The following ARHGEF11 variants were observed in gnomAD, a reference collection of about 807,000 sequenced individuals.
The protein encoded by ARHGEF11 is Rho guanine exchange factor (GEF) 11.
In ARHGEF11, 55 loss-of-function variants were observed where a neutral mutation model predicts 193.7. That is an observed-to-expected ratio of 0.28 (90% CI 0.23 to 0.36). The LOEUF (loss-of-function observed/expected upper bound fraction) is 0.36. Among genes scored for constraint, ARHGEF11 ranks in the 10% least tolerant of loss-of-function variants. The pLI is 1.00. For missense variants in ARHGEF11, 1,723 were observed against 2,005.6 expected, an observed-to-expected ratio of 0.86 and a Z score of 2.69; for synonymous variants, 693 against 768.0, an observed-to-expected ratio of 0.90 and a Z score of 1.62.
chr1:156,971,617 T>C (rs1662492403), intron 8 of ARHGEF11, 80 bp downstream of exon 8: 1 of 1,531,566 alleles, frequency 6.5e-7, no homozygotes. Context: ...CCAAGAAGCC[T>C]TCTGTCCTTG....
intron 1 of ARHGEF11, among the ~76,000 whole-genome samples, chr1:157,043,803 G>C (rs954691973): frequency 1.3e-5 from 2 of 152,192 alleles, no homozygotes; most frequent in African/African-American, 4.8e-5. Context: ...TTCAGGCCAA[G>C]AACATCCTCT....
At chr1:156,997,148 T>C (rs1006999883) in intron 1 of ARHGEF11, among the ~76,000 whole-genome samples, 1 of 151,898 alleles carries the variant, frequency 6.6e-6, no homozygotes, top group African/African-American at 2.4e-5. Flanking sequence ...GGATTACAAG[T>C]GTGAGACACC....
chr1:156,959,427 C>G (rs1660458718), intron 15 of ARHGEF11, among the ~76,000 whole-genome samples: 1 of 152,208 alleles, frequency 6.6e-6, no homozygotes, highest in Non-Finnish European at 1.5e-5. Context: ...TTGGATATGT[C>G]TAAGTACCAT....
Position 156,939,665 on chromosome 1 carries a change from G to A in ARHGEF11, c.3979C>T (p.His1327Tyr), listed in dbSNP as rs779197564. 25 of 1,613,916 alleles carry A rather than the reference G, an allele frequency of 1.5e-5. No individual in the cohort carries two copies. Among genetic ancestry groups the A allele is most frequent in the Non-Finnish European group, 2.1e-5 (25 of 1,180,034 alleles). Residue 1327 changes from histidine (H) to tyrosine (Y), a missense_variant, in exon 37 of 41, where the codon CAC (histidine) becomes TAC (tyrosine). Physicochemically the swap from His to Tyr is moderately conservative, Grantham distance 83. Around this residue, in one of 5 missense-constraint regions of ARHGEF11, gnomAD observed 360 missense variants for 344.4 expected, o/e 1.05. Coordinates refer to ENST00000368194, the MANE Select transcript of ARHGEF11 (RefSeq NM_198236.3). Reference sequence around the variant, plus strand: ...GAATTTCTGGTCCTTGGGGGTAGGTGTTCCAGAGAACAGAGACCCATGTCT... The same window carrying A: ...GAATTTCTGGTCCTTGGGGGTAGGTATTCCAGAGAACAGAGACCCATGTCT... Reference protein sequence around the residue: ...QEDMGLCSLEHLPPRTRNSGI... With the variant: ...QEDMGLCSLEYLPPRTRNSGI...
chr1:156,967,445 C>A (rs1288801281), intron 11 of ARHGEF11, among the ~76,000 whole-genome samples: 1 of 152,204 alleles, frequency 6.6e-6, no homozygotes, highest in Non-Finnish European at 1.5e-5. Flanking sequence ...TGAAGTCTCT[C>A]CTGGATCTAG....
chr1:156,972,321 A>G (rs935054321), intron 7 of ARHGEF11, among the ~76,000 whole-genome samples: 3 of 152,294 alleles, frequency 2.0e-5, no homozygotes, highest in Non-Finnish European at 4.4e-5. Context: ...AGCACTCCTC[A>G]GGGCTTCACA....
chr1:157,033,423 T>C (rs1476213733), intron 1 of ARHGEF11, among the ~76,000 whole-genome samples: 1 of 152,122 alleles, frequency 6.6e-6, no homozygotes, highest in Non-Finnish European at 1.5e-5. Flanking sequence ...AGAGACCACA[T>C]TCATCTCTTG....
chr1:157,004,577 T>C (rs1667594288), intron 1 of ARHGEF11, among the ~76,000 whole-genome samples: 1 of 152,162 alleles, frequency 6.6e-6, no homozygotes, highest in Admixed American at 6.5e-5. Context: ...AACCACTGCA[T>C]AGCCGAGAGA....
In ARHGEF11 at chr1:156,943,919, C is replaced by A. The variant is rs764275135; in HGVS notation, c.3235+16G>T. 1 of 1,603,354 alleles carries A rather than the reference C, an allele frequency of 6.2e-7. No individual in the cohort carries two copies. The highest frequency in any genetic ancestry group is 1.1e-5 in the South Asian group (1 of 89,874). ...TCCCTGAGCCCCAGGCCAGCCTGGA[C>A]CATCTCCCCAGGTACCTGTGGCCAC... On this transcript the variant is annotated intron_variant, in intron 32 of 40. Transcript: ENST00000368194.
intron 31 of ARHGEF11, 83 bp downstream of exon 31, chr1:156,944,275 T>G (rs1657669573): frequency 6.6e-7 from 1 of 1,504,236 alleles, no homozygotes; most frequent in South Asian, 1.2e-5. Context: ...CCAGTCATGT[T>G]TCCATGCTTG....
Position 156,945,350 on chromosome 1 carries a change from C to A in ARHGEF11, c.2813-153G>T, listed in dbSNP as rs148419480. Reference sequence around the variant, plus strand: ...AGCCACCCTTGCCTCACATGAGGACCCCAAGTGGTAAGGGTAACTTTTACT... The same window carrying A: ...AGCCACCCTTGCCTCACATGAGGACACCAAGTGGTAAGGGTAACTTTTACT... On this transcript the variant is annotated intron_variant, in intron 29 of 40. Coordinates refer to ENST00000368194, the MANE Select transcript of ARHGEF11 (RefSeq NM_198236.3). 84 of 739,388 alleles carry A rather than the reference C, an allele frequency of 1.1e-4. No homozygotes were observed. The African/African-American group carries it at 1.4e-3, about 12-fold the overall frequency. 45.8% of individuals were successfully genotyped at this position (739,388 alleles called of 1,614,324 possible).
intron 4 of ARHGEF11, 40 bp downstream of exon 4, chr1:156,980,397 T>C: frequency 6.3e-7 from 1 of 1,589,022 alleles, no homozygotes; most frequent in East Asian, 2.3e-5. Context: ...CACATCTATT[T>C]CCACTGCTGG....
At chr1:156,995,498 A>T (rs1666346662) in intron 1 of ARHGEF11, among the ~76,000 whole-genome samples, 1 of 151,272 alleles carries the variant, frequency 6.6e-6, no homozygotes, top group Admixed American at 6.6e-5. Flanking sequence ...CCTGAAATTT[A>T]CCTTTGTAAT....
At chr1:156,966,381 T>C (rs969239501) in intron 11 of ARHGEF11, among the ~76,000 whole-genome samples, 1 of 152,228 alleles carries the variant, frequency 6.6e-6, no homozygotes, top group African/African-American at 2.4e-5. Context: ...AAACAGAAGT[T>C]TCACAAAATA....
At chr1:156,943,845 G>A in intron 32 of ARHGEF11, 90 bp downstream of exon 32, 2 of 1,480,362 alleles carry the variant, frequency 1.4e-6, no homozygotes, top group Non-Finnish European at 1.8e-6. Context: ...GGTAGGTCCT[G>A]TAAAGGCTCC....
chr1:156,971,501 T>C (rs749159849), intron 8 of ARHGEF11, among the ~76,000 whole-genome samples, 196 bp downstream of exon 8: 10 of 152,272 alleles, frequency 6.6e-5, no homozygotes, highest in Non-Finnish European at 8.8e-5. Flanking sequence ...TTTCTTTTTA[T>C]GGTATCCCAA....
rs191272583 is a variant in ARHGEF11 at position 156,944,394 on chromosome 1, G to C, written c.3031C>G (p.Pro1011Ala). 2.5e-6 allele frequency: 4 copies of C among 1,614,074 alleles called. No homozygotes were observed. The African/African-American group carries it at 5.3e-5, about 22-fold the overall frequency. The change falls in exon 31 of 41, where the codon CCC becomes GCC. Residue 1011 changes from proline (P) to alanine (A), a missense_variant. This residue lies in a region of ARHGEF11 where 491 missense variants were observed against 654.5 expected (regional missense o/e 0.75). Transcript: ENST00000368194. ...LTTRKMIHEG[P>A]LTWRISKDKT... ...TCCTTGCTGATCCTCCAGGTCAGGG[G>C]TCCCTCATGGATCATTTTTCTGGTT...
intron 11 of ARHGEF11, among the ~76,000 whole-genome samples, chr1:156,964,800 C>G (rs549671558): frequency 9.2e-5 from 14 of 152,328 alleles, no homozygotes; most frequent in Admixed American, 2.0e-4. Flanking sequence ...ACACCCTACT[C>G]TCTGACCCTC....
At chr1:157,016,421 T>C (rs2102852945) in intron 1 of ARHGEF11, among the ~76,000 whole-genome samples, 1 of 152,288 alleles carries the variant, frequency 6.6e-6, no homozygotes, top group East Asian at 1.9e-4. Flanking sequence ...GGTTTCACCA[T>C]GTTGGCTAGG....
Sources: allele counts gnomAD v4.1 joint callset (sites outside exome capture counted in the v4.1 genomes callset), GRCh38; gene constraint gnomAD v4.1.1; regional missense constraint gnomAD v4.1.1; transcripts MANE v1.5; gene names NCBI Gene and HGNC (gene_info 2026-07-23, HGNC 2026-07-21).